The following ATM variants were observed in gnomAD, a reference collection of about 807,000 sequenced individuals.
ATM encodes the protein serine-protein kinase ATM.
In ATM, 308 loss-of-function variants were observed where a neutral mutation model predicts 387.0. The observed-to-expected ratio is 0.80, with a 90% CI of 0.73 to 0.87. ATM has a LOEUF of 0.87. Ranked by LOEUF, ATM falls within the 40% of genes least tolerant of loss-of-function variation. The probability of loss-of-function intolerance (pLI) is 0.00; values close to 1 mark genes in which losing one functional copy is unlikely to be tolerated. For missense variants in ATM, 3,312 were observed against 3,560.9 expected (o/e 0.93, Z 1.78); for synonymous variants, 1,156 against 1,187.3 (o/e 0.97, Z 0.54).
intron 31 of ATM, among the ~76,000 whole-genome samples, chr11:108,293,927 G>GTA (rs1377915689): frequency 3.4e-4 from 49 of 142,668 alleles, no homozygotes; most frequent in African/African-American, 1.2e-3. Context: ...ATATGTGTGT[G>GTA]TATATAAACA....
chr11:108,272,635 T>C, intron 21 of ATM, 28 bp downstream of exon 21: 1 of 1,612,776 alleles, frequency 6.2e-7, no homozygotes. Flanking sequence ...TTTAGTAAGA[T>C]CTCCATTGAA....
chr11:108,301,713 G>T lies in ATM; in HGVS notation c.5243G>T (p.Ser1748Ile). 2.5e-6 allele frequency: 4 copies of T among 1,613,736 alleles called. No individual in the cohort carries two copies. Among genetic ancestry groups the T allele is most frequent in the Non-Finnish European group, 2.5e-6 (3 of 1,179,774 alleles). The change falls in exon 35 of 63, where the codon AGT (serine) becomes ATT (isoleucine). Residue 1748 changes from serine to isoleucine, a missense_variant. Ser to Ile is a moderately radical substitution (Grantham distance 142). Coordinates refer to ENST00000675843, the MANE Select transcript of ATM (RefSeq NM_000051.4). ...ATTTTAGCCACAAAGACTGGACATAGTTTCTGGGAGATTTATAAGATGACA... is the reference window on the plus strand; with the variant it reads ...ATTTTAGCCACAAAGACTGGACATATTTTCTGGGAGATTTATAAGATGACA... ...KNILATKTGH[S>I]FWEIYKMTTD...
intron 7 of ATM, among the ~76,000 whole-genome samples, chr11:108,245,755 A>C (rs4987924): frequency 0.012 from 1,884 of 151,454 alleles, 19 homozygotes; most frequent in Non-Finnish European, 0.021. Flanking sequence ...TAGTATAGTG[A>C]CTTTCTTAAA....
At chr11:108,339,780 A>G (rs1363816081) in intron 56 of ATM, among the ~76,000 whole-genome samples, 3 of 152,110 alleles carry the variant, frequency 2.0e-5, no homozygotes, top group South Asian at 2.1e-4. Flanking sequence ...AGAGTAATCA[A>G]TGTAAAAGAG....
intron 61 of ATM, among the ~76,000 whole-genome samples, chr11:108,362,646 G>GT (rs1471968696): frequency 2.7e-5 from 4 of 149,712 alleles, no homozygotes; most frequent in African/African-American, 4.9e-5. Flanking sequence ...CATGTCCTTT[G>GT]TAGGGACATG....
chr11:108,309,485 T>C (rs573341270), intron 38 of ATM, among the ~76,000 whole-genome samples: 1 of 152,292 alleles, frequency 6.6e-6, no homozygotes, highest in South Asian at 2.1e-4. Context: ...GTTTAAGAAG[T>C]TAAGTTGCTG....
chr11:108,325,087 G>A (rs902580162), intron 45 of ATM, among the ~76,000 whole-genome samples: 8 of 152,014 alleles, frequency 5.3e-5, no homozygotes, highest in Non-Finnish European at 1.0e-4. Context: ...TGTCATCTGT[G>A]ACCTCTCTGC....
At chr11:108,314,786 A>G (rs1444429179) in intron 40 of ATM, among the ~76,000 whole-genome samples, 1 of 152,176 alleles carries the variant, frequency 6.6e-6, no homozygotes, top group African/African-American at 2.4e-5. Context: ...GTATTCTTAA[A>G]TAAAGTAGCT....
rs1432713767 is a variant in ATM, at chr11:108,248,970, A to G, written c.1103A>G (p.Gln368Arg). 1 of 1,612,076 alleles carries G rather than the reference A, an allele frequency of 6.2e-7. No individual in the cohort carries two copies. The highest frequency in any genetic ancestry group is 8.5e-7 in the Non-Finnish European group (1 of 1,178,566). The change falls in exon 9 of 63, where the codon CAA becomes CGA. Residue 368 changes from glutamine to arginine, a missense_variant. By Grantham distance (43) the Gln-to-Arg change is conservative (BLOSUM62 1). Transcript: ENST00000675843. The part of the protein sequence containing the change: ...NEDTRSLEIS[Q>R]SYTTTQRESS... ...GATACCAGATCCTTGGAGATTTCTC[A>G]ATCTTACACTACTACACAAAGAGAA...
At position 108,303,037 on chromosome 11, in the gene ATM, GATTA is replaced by G. The variant is rs1382076363; in HGVS notation, c.5496+13_5496+16del. On this transcript the variant is annotated intron_variant, in intron 36 of 62. Transcript: ENST00000675843. ...TTAAAGCCAATGTGTGAAGTAAGAA[GATTA>G]ATTAGTCTGATATAATTCCTTGTTT... The G allele has an allele frequency of 2.5e-6, 4 of 1,605,802 alleles. No homozygotes were observed. In the Admixed American group the frequency reaches 5.0e-5, roughly 20 times the overall value.
chr11:108,332,994 A>T (rs2086446635), intron 53 of ATM, 94 bp downstream of exon 53: 2 of 1,461,318 alleles, frequency 1.4e-6, no homozygotes, highest in Non-Finnish European at 1.9e-6. Context: ...AAATCTGCTT[A>T]AAATCACAAA....
intron 42 of ATM, 150 bp downstream of exon 42, chr11:108,316,263 G>A: frequency 1.2e-6 from 1 of 866,258 alleles, no homozygotes; most frequent in Non-Finnish European, 1.9e-6. Context: ...AACATTCAGG[G>A]ATACTCCTGA....
intron 4 of ATM, 58 bp downstream of exon 4, chr11:108,229,381 T>G: frequency 1.3e-6 from 2 of 1,515,888 alleles, no homozygotes; most frequent in South Asian, 1.2e-5. Context: ...CGCGTGAGTT[T>G]TTTTTTTTTT....
Position 108,251,856 on chromosome 11 carries a change from A to G in ATM, c.1627A>G (p.Thr543Ala). The G allele has an allele frequency of 3.7e-6, 6 of 1,613,790 alleles. No homozygotes were observed. The highest frequency in any genetic ancestry group is 5.1e-6 in the Non-Finnish European group (6 of 1,179,774). Residue 543 changes from threonine (T) to alanine (A), a missense_variant, in exon 11 of 63, where the codon ACT becomes GCT. Thr to Ala is a moderately conservative substitution (Grantham distance 58, BLOSUM62 0). Around this residue, in one of 4 missense-constraint regions of ATM, gnomAD observed 1,791 missense variants for 1,804.5 expected, o/e 0.99. Transcript: ENST00000675843. Reference protein sequence around the residue: ...RPSCPAVCCLTLALTTSIVPG... With the variant: ...RPSCPAVCCLALALTTSIVPG... ...TTATAGTCCTGCAGTATGCTGTTTG[A>G]CTTTGGCACTGACCACCAGTATAGT...
rs2089570249 is a variant in ATM at position 108,354,070 on chromosome 11, A to AC, written c.8786+190_8786+191insC. Among the ~76,000 whole-genome samples the AC allele has an allele frequency of 0.061, 7,023 of 114,890 alleles. 240 individuals carry two copies. The highest frequency in any genetic ancestry group is 0.1 in the South Asian group (335 of 3,302). The allele number at this position is 114,890 out of a possible 152,430, so 75.4% of individuals were successfully genotyped here. On this transcript the variant is annotated intron_variant, in intron 60 of 62. Coordinates refer to ENST00000675843, the MANE Select transcript of ATM (RefSeq NM_000051.4). Reference sequence around the variant, plus strand: ...GTATCTAAAAAAATACACACACACAAACACACACACACACACACACACACA... The same window carrying AC: ...GTATCTAAAAAAATACACACACACAACACACACACACACACACACACACACA...
At chr11:108,228,537 G>A (rs2078854214) in intron 3 of ATM, among the ~76,000 whole-genome samples, 1 of 152,180 alleles carries the variant, frequency 6.6e-6, no homozygotes. Flanking sequence ...TCAAGAGGAA[G>A]TGTGTATTTA....
At chr11:108,361,787 A>G (rs1431326361) in intron 61 of ATM, among the ~76,000 whole-genome samples, 1 of 152,176 alleles carries the variant, frequency 6.6e-6, no homozygotes, top group Non-Finnish European at 1.5e-5. Flanking sequence ...CACCTGATAC[A>G]AAAATTAACT....
intron 49 of ATM, 116 bp downstream of exon 49, chr11:108,329,354 C>A: frequency 1.0e-6 from 1 of 954,800 alleles, no homozygotes; most frequent in Non-Finnish European, 1.6e-6. Flanking sequence ...CTCTAAAGGT[C>A]GGCTTAACTA....
Position 108,284,267 on chromosome 11 carries a change from A to G in ATM, c.3787A>G (p.Ser1263Gly), listed in dbSNP as rs1276194109. Reference sequence around the variant, plus strand: ...TTTGATTCCACATCTGGTGATTAGAAGTCATTTTGATGAGGTGAAGTCCAT... The same window carrying G: ...TTTGATTCCACATCTGGTGATTAGAGGTCATTTTGATGAGGTGAAGTCCAT... ...KVLIPHLVIR[S>G]HFDEVKSIAN... Residue 1263 changes from serine to glycine, a missense_variant, in exon 26 of 63, where the codon AGT (serine) becomes GGT (glycine). By Grantham distance (56) the Ser-to-Gly change is moderately conservative. Transcript: ENST00000675843. 2.5e-6 allele frequency: 4 copies of G among 1,612,872 alleles called. No homozygotes were observed. Among genetic ancestry groups the G allele is most frequent in the Admixed American group, 1.7e-5 (1 of 60,016 alleles).
Sources: allele counts gnomAD v4.1 joint callset (sites outside exome capture counted in the v4.1 genomes callset), GRCh38; gene constraint gnomAD v4.1.1; regional missense constraint gnomAD v4.1.1; transcripts MANE v1.5; gene names NCBI Gene and HGNC (gene_info 2026-07-23, HGNC 2026-07-21).